TANC2: variants seen among roughly 807,000 people sequenced by gnomAD.
The protein encoded by TANC2 is protein TANC2.
A neutral mutation model predicts 210.5 loss-of-function variants in TANC2; 26 were observed. That is an observed-to-expected ratio of 0.12 (90% confidence interval 0.09 to 0.17). TANC2 has a LOEUF of 0.17. Ranked by LOEUF, TANC2 falls within the 10% of genes least tolerant of loss-of-function variation. TANC2 has a pLI of 1.00. For missense variants in TANC2, 2,129 were observed against 2,608.9 expected (o/e 0.82, Z 4.01); for synonymous variants, 931 against 967.1 (o/e 0.96, Z 0.69).
chr17:63,336,519 A>G (rs1567927361), intron 11 of TANC2, among the ~76,000 whole-genome samples: 1 of 152,238 alleles, frequency 6.6e-6, no homozygotes, highest in Non-Finnish European at 1.5e-5. Context: ...TATATACAGC[A>G]TTAAATCAAG....
chr17:62,987,223 A>G (rs2032614025), intron 1 of TANC2, among the ~76,000 whole-genome samples: 1 of 152,120 alleles, frequency 6.6e-6, no homozygotes, highest in Non-Finnish European at 1.5e-5. Context: ...AGTCACAGCT[A>G]TTCCTGGGCC....
At chr17:63,352,962 G>A (rs1375524019) in intron 13 of TANC2, among the ~76,000 whole-genome samples, 2 of 152,130 alleles carry the variant, frequency 1.3e-5, no homozygotes, top group Non-Finnish European at 2.9e-5. Flanking sequence ...ATTACAGGTA[G>A]TGTTGAGTGC....
chr17:63,075,899 A>G (rs539212786), intron 3 of TANC2, among the ~76,000 whole-genome samples: 69 of 152,344 alleles, frequency 4.5e-4, no homozygotes, highest in African/African-American at 1.7e-3. Context: ...TGGGATGAGT[A>G]TAAAACGTTT....
At chr17:63,142,573 A>G (rs928803066) in intron 4 of TANC2, among the ~76,000 whole-genome samples, 5 of 152,050 alleles carry the variant, frequency 3.3e-5, no homozygotes, top group Non-Finnish European at 7.4e-5. Context: ...TTCCTCTGAA[A>G]AGCAAATAAG....
intron 11 of TANC2, among the ~76,000 whole-genome samples, chr17:63,319,648 A>G (rs2045432099): frequency 6.6e-6 from 1 of 152,194 alleles, no homozygotes. Flanking sequence ...ACTGCACCCA[A>G]CCGGAAGTGG....
At chr17:63,275,140 A>G (rs1305129479) in intron 9 of TANC2, among the ~76,000 whole-genome samples, 1 of 152,158 alleles carries the variant, frequency 6.6e-6, no homozygotes, top group Non-Finnish European at 1.5e-5. Flanking sequence ...AATTATTAAT[A>G]TTGAGACCCT....
At chr17:63,410,612 T>C (rs570239331) in intron 21 of TANC2, among the ~76,000 whole-genome samples, 205 of 152,080 alleles carry the variant, frequency 1.3e-3, no homozygotes, top group Non-Finnish European at 5.6e-4. Context: ...CACCGAACTC[T>C]GGTGCAGTGA....
intron 7 of TANC2, among the ~76,000 whole-genome samples, chr17:63,230,566 T>C (rs1052852439): frequency 1.3e-5 from 2 of 152,228 alleles, no homozygotes; most frequent in South Asian, 2.1e-4. Context: ...GAGCAGGTTG[T>C]TCAATTTCCA....
chr17:63,379,618 G>C (rs942067077), intron 14 of TANC2, 100 bp from the exon 15 acceptor site: 2 of 858,530 alleles, frequency 2.3e-6, no homozygotes, highest in Non-Finnish European at 3.5e-6. Context: ...GCAGTGAGCC[G>C]AGATTGCGCC....
chr17:63,392,354 T>G (rs984548692), intron 17 of TANC2, among the ~76,000 whole-genome samples: 1 of 152,228 alleles, frequency 6.6e-6, no homozygotes, highest in Non-Finnish European at 1.5e-5. Context: ...CTCAGCATCT[T>G]TACCCTCCTC....
intron 4 of TANC2, among the ~76,000 whole-genome samples, chr17:63,121,487 C>T (rs950776915): frequency 6.6e-6 from 1 of 152,054 alleles, no homozygotes; most frequent in African/African-American, 2.4e-5. Context: ...TCTTTGGGAG[C>T]TCCTTTAAGG....
At chr17:63,122,258 A>G (rs1419983492) in intron 4 of TANC2, among the ~76,000 whole-genome samples, 3 of 152,354 alleles carry the variant, frequency 2.0e-5, no homozygotes, top group Non-Finnish European at 4.4e-5. Context: ...TAGCATCTCT[A>G]AAACTTGACA....
In TANC2 at chr17:63,370,429, C is replaced by T. The variant is rs1278723700; in HGVS notation, c.2583-9289C>T. Among the ~76,000 whole-genome samples the T allele has an allele frequency of 2.6e-5, 4 of 152,198 alleles. No homozygotes were observed. The Middle Eastern group carries it at 0.01, about 388-fold the overall frequency. On this transcript the variant is annotated intron_variant, in intron 14 of 27. Transcript: ENST00000689528. ...TCCTGACCTCGTGATCCGCCCGCCT[C>T]GGCCTTCCACAGTGCTGGGATTACA...
At chr17:63,396,139 G>A (rs970371962) in intron 18 of TANC2, 1 of 533,624 alleles carries the variant, frequency 1.9e-6, no homozygotes, top group African/African-American at 1.9e-5. Context: ...GTGCGAGTTG[G>A]AAAGGACCGT....
chr17:63,319,650 C>T (rs2045432311), intron 11 of TANC2, among the ~76,000 whole-genome samples: 3 of 152,314 alleles, frequency 2.0e-5, no homozygotes, highest in Admixed American at 6.5e-5. Context: ...TGCACCCAAC[C>T]GGAAGTGGTA....
chr17:63,004,720 C>T, intron 1 of TANC2: 1 of 324,938 alleles, frequency 3.1e-6, no homozygotes, highest in East Asian at 8.3e-5. Flanking sequence ...CACTTGGTAT[C>T]TCCGGCAGCT....
rs193268878 is a variant in TANC2 at position 63,412,454 on chromosome 17, G to C, written c.3899-226G>C. On this transcript the variant is annotated intron_variant, in intron 23 of 27. Transcript: ENST00000689528. The surrounding 1 kb of genome is among the most constrained non-coding windows in gnomAD (Gnocchi z 4.2). ...CAGCATCCTGGATCTCTGCGCTGCC[G>C]TGAGCCTTTGCTTTCCCTTGCTCTG... Among the ~76,000 whole-genome samples, 1 of 152,120 alleles carries C rather than the reference G, an allele frequency of 6.6e-6. No individual in the cohort carries two copies. Among genetic ancestry groups the C allele is most frequent in the East Asian group, 1.9e-4 (1 of 5,192 alleles).
chr17:63,034,201 GCT>G (rs1477113058), intron 2 of TANC2, among the ~76,000 whole-genome samples: 1 of 152,136 alleles, frequency 6.6e-6, no homozygotes, highest in Non-Finnish European at 1.5e-5. Flanking sequence ...CTTGTTAGGG[GCT>G]AATGCAGCTG....
intron 9 of TANC2, among the ~76,000 whole-genome samples, chr17:63,296,991 A>G (rs1204806687): frequency 6.6e-6 from 1 of 151,870 alleles, no homozygotes; most frequent in East Asian, 1.9e-4. Context: ...AAAGGGTCAG[A>G]AAAAAAAATC....
Sources: gnomAD v4.1 joint callset for allele counts (sites outside exome capture counted in the v4.1 genomes callset) on GRCh38, gnomAD v4.1.1 for gene constraint, Gnocchi (gnomAD v3.1) non-coding constraint, MANE v1.5 for transcripts, NCBI Gene and HGNC (gene_info 2026-07-23, HGNC 2026-07-21) for gene names.